Variants in EFCAB7 observed in about 807,000 individuals in gnomAD.
EFCAB7 encodes EF-hand calcium binding domain 7.
In EFCAB7, 66 loss-of-function variants were observed where a neutral mutation model predicts 77.1. That is an observed-to-expected ratio of 0.86 (90% CI 0.70 to 1.05). The LOEUF (loss-of-function observed/expected upper bound fraction) is 1.05. Among genes scored for constraint, EFCAB7 ranks in the 50% least tolerant of loss-of-function variants. EFCAB7 has a pLI of 0.00. For synonymous variants in EFCAB7, 225 were observed against 243.3 expected (o/e 0.92, Z 0.70); for missense variants, 638 against 730.5 (o/e 0.87, Z 1.46).
intron 8 of EFCAB7, among the ~76,000 whole-genome samples, chr1:63,554,368 T>A (rs1570423555): frequency 6.6e-6 from 1 of 152,232 alleles, no homozygotes; most frequent in Admixed American, 6.5e-5. Flanking sequence ...TGAGACAGAG[T>A]CTCGTTCTAT....
At chr1:63,568,079 A>G (rs1036753030) in intron 11 of EFCAB7, among the ~76,000 whole-genome samples, 5 of 152,114 alleles carry the variant, frequency 3.3e-5, no homozygotes, top group African/African-American at 9.7e-5. Context: ...CTGATTTGCT[A>G]GAGGTTATTA....
intron 10 of EFCAB7, 97 bp from the exon 11 acceptor site, chr1:63,561,612 A>T: frequency 1.3e-6 from 1 of 766,178 alleles, no homozygotes; most frequent in African/African-American, 1.8e-5. Flanking sequence ...GGCCTCTTTT[A>T]AAATAAATAT....
chr1:63,562,512 T>A (rs1388712417), intron 11 of EFCAB7, among the ~76,000 whole-genome samples: 3 of 136,364 alleles, frequency 2.2e-5, no homozygotes, highest in African/African-American at 8.2e-5. Context: ...TTTTTTTTTT[T>A]AATTTGAGAC....
chr1:63,523,749 GTACC>G (rs1360454226), intron 1 of EFCAB7, 115 bp downstream of exon 1: 1 of 155,272 alleles, frequency 6.4e-6, no homozygotes, highest in African/African-American at 2.4e-5. Context: ...GTCCATGTAT[GTACC>G]TAAAATGTAC....
At chr1:63,545,789 A>AGAG in intron 6 of EFCAB7, 127 bp from the exon 7 acceptor site, 1 of 793,620 alleles carries the variant, frequency 1.3e-6, no homozygotes, top group South Asian at 1.6e-5. Context: ...ACTATGTTGC[A>AGAG]CATTCCTGGA....
Position 63,572,523 on chromosome 1 carries a change from A to G in EFCAB7, c.*7A>G, listed in dbSNP as rs1647294650. Reference sequence around the variant, plus strand: ...ATATTCTCTTATTTCTTAAATAATTATACTTAGAACTTACCAAACTAAGAA... The same window carrying G: ...ATATTCTCTTATTTCTTAAATAATTGTACTTAGAACTTACCAAACTAAGAA... On this transcript the variant is annotated 3_prime_UTR_variant, in exon 14 of 14. Coordinates refer to ENST00000371088, the MANE Select transcript of EFCAB7 (RefSeq NM_032437.4). 1 of 1,462,050 alleles carries G rather than the reference A, an allele frequency of 6.8e-7. No homozygotes were observed. The highest frequency in any genetic ancestry group is 9.2e-7 in the Non-Finnish European group (1 of 1,084,504). The allele number at this position is 1,462,050 out of a possible 1,614,324, so 90.6% of individuals were successfully genotyped here.
intron 10 of EFCAB7, among the ~76,000 whole-genome samples, chr1:63,557,591 GCAAAAAGC>G (rs1647047312): frequency 6.6e-6 from 1 of 152,112 alleles, no homozygotes; most frequent in Non-Finnish European, 1.5e-5. Context: ...GGAGAGGGCA[GCAAAAAGC>G]CAAAAAGCTA....
chr1:63,576,837 A>G (rs576297969), downstream of EFCAB7, among the ~76,000 whole-genome samples: 38 of 150,414 alleles, frequency 2.5e-4, no homozygotes, highest in African/African-American at 9.4e-4. Flanking sequence ...CTCTGTCTCA[A>G]ATAAATAAAT....
intron 11 of EFCAB7, among the ~76,000 whole-genome samples, chr1:63,566,444 A>G (rs1436898457): frequency 6.6e-6 from 1 of 152,194 alleles, no homozygotes; most frequent in African/African-American, 2.4e-5. Context: ...ACAAACTCCT[A>G]TGACACACGT....
downstream of EFCAB7, among the ~76,000 whole-genome samples, chr1:63,574,152 C>T (rs1378641385): frequency 6.6e-6 from 1 of 152,012 alleles, no homozygotes; most frequent in African/African-American, 2.4e-5. Flanking sequence ...TGGGCTGGGG[C>T]AAATCCCCGA....
intron 13 of EFCAB7, 31 bp from the exon 14 acceptor site, chr1:63,572,409 AAG>A (rs772852448): frequency 3.2e-6 from 5 of 1,552,262 alleles, no homozygotes; most frequent in African/African-American, 1.4e-5. Context: ...AATATATAAA[AAG>A]AGAGTAAAAG....
At chr1:63,528,684 T>C (rs1646641003) in intron 2 of EFCAB7, among the ~76,000 whole-genome samples, 1 of 152,116 alleles carries the variant, frequency 6.6e-6, no homozygotes, top group Non-Finnish European at 1.5e-5. Flanking sequence ...ACCTACTATG[T>C]ATCTCCAAAA....
At chr1:63,582,786 G>A in the EFCAB7 span, among the ~76,000 whole-genome samples, 3 of 152,198 alleles carry the variant, frequency 2.0e-5, no homozygotes, top group African/African-American at 7.2e-5. Context: ...TGTATTCTTG[G>A]TAAAGATGGG....
At chr1:63,544,972 G>A (rs1303325470) in intron 6 of EFCAB7, among the ~76,000 whole-genome samples, 1 of 145,658 alleles carries the variant, frequency 6.9e-6, no homozygotes, top group African/African-American at 2.6e-5. Context: ...AGGCTAGAGT[G>A]CAATGGTGTG....
intron 7 of EFCAB7, among the ~76,000 whole-genome samples, chr1:63,546,733 T>C (rs891305069): frequency 6.6e-6 from 1 of 152,218 alleles, no homozygotes; most frequent in African/African-American, 2.4e-5. Flanking sequence ...AAAATTAATA[T>C]GTCAAAGAGA....
intron 2 of EFCAB7, 26 bp from the exon 3 acceptor site, chr1:63,531,794 C>T: frequency 6.2e-7 from 1 of 1,600,640 alleles, no homozygotes; most frequent in Admixed American, 1.7e-5. Context: ...GTTACAATCA[C>T]AAATAATACT....
At chr1:63,565,432 C>T (rs1647159282) in intron 11 of EFCAB7, among the ~76,000 whole-genome samples, 1 of 151,816 alleles carries the variant, frequency 6.6e-6, no homozygotes, top group Non-Finnish European at 1.5e-5. Flanking sequence ...TGTAAAAACT[C>T]TGAGAGACAA....
rs114930303 is a variant in EFCAB7 at position 63,541,478 on chromosome 1, C to T, written c.805-4438C>T. 8.9e-3 allele frequency among the ~76,000 whole-genome samples: 1,356 copies of T among 152,062 alleles called. 15 individuals are homozygous for T. Among genetic ancestry groups the T allele is most frequent in the African/African-American group, 0.024 (1,007 of 41,474 alleles). ...AAAAGCATTTAGACAAAACAGTATT[C>T]TATTAATATTGTGATAAGAAATTAG... On this transcript the variant is annotated intron_variant, in intron 6 of 13. Coordinates refer to ENST00000371088, the MANE Select transcript of EFCAB7 (RefSeq NM_032437.4).
At chr1:63,561,163 G>A (rs998464824) in intron 10 of EFCAB7, among the ~76,000 whole-genome samples, 1 of 152,158 alleles carries the variant, frequency 6.6e-6, no homozygotes, top group Non-Finnish European at 1.5e-5. Flanking sequence ...ATTCCAAAGT[G>A]CTCCCCATTA....
Sources: allele counts gnomAD v4.1 joint callset (sites outside exome capture counted in the v4.1 genomes callset), GRCh38; gene constraint gnomAD v4.1.1; transcripts MANE v1.5; gene names NCBI Gene and HGNC (gene_info 2026-07-23, HGNC 2026-07-21).